Variants in GPM6A observed in about 807,000 individuals in gnomAD.
GPM6A encodes glycoprotein M6A.
GPM6A carries 7 observed loss-of-function variants against 32.1 expected under a neutral mutation model. That is an observed-to-expected ratio of 0.22 (90% confidence interval 0.12 to 0.41). The LOEUF (loss-of-function observed/expected upper bound fraction) is 0.41. Among genes scored for constraint, GPM6A ranks in the 10% least tolerant of loss-of-function variants. The probability of loss-of-function intolerance (pLI) is 1.00; values close to 1 mark genes in which losing one functional copy is unlikely to be tolerated. For missense variants in GPM6A, 235 were observed against 347.2 expected (o/e 0.68, Z 2.57); for synonymous variants, 130 against 123.4 (o/e 1.05, Z -0.35).
chr4:175,636,617 G>A (rs148809020), intron 6 of GPM6A, among the ~76,000 whole-genome samples: 7 of 150,314 alleles, frequency 4.7e-5, no homozygotes, highest in Admixed American at 2.7e-4. Flanking sequence ...CCAACATAGT[G>A]AAACCCCATC....
At chr4:175,788,466 T>A (rs1273228381) in intron 1 of GPM6A, among the ~76,000 whole-genome samples, 15 of 152,328 alleles carry the variant, frequency 9.8e-5, no homozygotes, top group Non-Finnish European at 1.8e-4. Flanking sequence ...ACTACTGATT[T>A]TTTTTAAATA....
chr4:175,826,544 A>C (rs1411317984), intron 1 of GPM6A, among the ~76,000 whole-genome samples: 1 of 152,220 alleles, frequency 6.6e-6, no homozygotes, highest in Non-Finnish European at 1.5e-5. Context: ...AAATATTGCT[A>C]TGCATAAAAT....
At chr4:175,950,330 CTT>C (rs1739765173) in intron 1 of GPM6A, among the ~76,000 whole-genome samples, 1 of 152,066 alleles carries the variant, frequency 6.6e-6, no homozygotes, top group African/African-American at 2.4e-5. Flanking sequence ...ATTTTAATGG[CTT>C]TATTAATTAA....
chr4:175,866,452 A>G (rs895985865), intron 1 of GPM6A, among the ~76,000 whole-genome samples: 1 of 152,160 alleles, frequency 6.6e-6, no homozygotes, highest in Non-Finnish European at 1.5e-5. Context: ...ACCCCTGACA[A>G]CAAAGATATT....
In GPM6A at chr4:175,725,130, C is replaced by T. The variant is rs148580113; in HGVS notation, c.38-23363G>A. On this transcript the variant is annotated intron_variant, in intron 1 of 6. Coordinates refer to ENST00000393658, the MANE Select transcript of GPM6A (RefSeq NM_201591.3). ...CCGGATTCTCATTTACCTGCTCATA[C>T]ATAGTTGTTGCTCAATTAATATTTT... Among the ~76,000 whole-genome samples the T allele has an allele frequency of 5.3e-4, 81 of 152,220 alleles. 1 individual carries two copies. Among genetic ancestry groups the T allele is most frequent in the African/African-American group, 1.8e-3 (76 of 41,538 alleles).
intron 1 of GPM6A, among the ~76,000 whole-genome samples, chr4:175,881,960 G>A (rs1737293083): frequency 6.6e-6 from 1 of 151,844 alleles, no homozygotes; most frequent in Non-Finnish European, 1.5e-5. Context: ...TGCAGGTTGT[G>A]CACATGTACC....
At chr4:175,688,378 G>T (rs79982449) in intron 2 of GPM6A, among the ~76,000 whole-genome samples, 2,276 of 152,154 alleles carry the variant, frequency 0.015, 42 homozygotes, top group East Asian at 0.089. Context: ...TTTTGTGTGT[G>T]GTGTAATATA....
intron 1 of GPM6A, among the ~76,000 whole-genome samples, chr4:175,853,545 A>G (rs1417706167): frequency 1.3e-5 from 2 of 151,052 alleles, no homozygotes; most frequent in Non-Finnish European, 1.5e-5. Flanking sequence ...CACAGAAACA[A>G]TGAGATCAAG....
At chr4:175,930,496 G>A (rs1276821687) in intron 1 of GPM6A, among the ~76,000 whole-genome samples, 1 of 151,054 alleles carries the variant, frequency 6.6e-6, no homozygotes, top group African/African-American at 2.4e-5. Context: ...GAGCATTTTG[G>A]GTATTATACA....
chr4:175,931,169 C>T (rs1202485330), intron 1 of GPM6A, among the ~76,000 whole-genome samples: 1 of 152,096 alleles, frequency 6.6e-6, no homozygotes, highest in African/African-American at 2.4e-5. Context: ...TCTCATATCT[C>T]AATCTTTGCA....
At chr4:175,675,977 G>A (rs944096891) in intron 2 of GPM6A, among the ~76,000 whole-genome samples, 2 of 152,110 alleles carry the variant, frequency 1.3e-5, no homozygotes, top group African/African-American at 4.8e-5. Context: ...TGTGTCATGG[G>A]AGAGACCCAC....
chr4:175,877,154 G>A (rs1288559150), intron 1 of GPM6A, among the ~76,000 whole-genome samples: 3 of 152,188 alleles, frequency 2.0e-5, no homozygotes, highest in East Asian at 1.9e-4. Context: ...TGAGGTGAAT[G>A]CAGACAGCAG....
chr4:175,956,508 C>T (rs1238214713), intron 1 of GPM6A, among the ~76,000 whole-genome samples: 2 of 152,072 alleles, frequency 1.3e-5, no homozygotes, highest in Non-Finnish European at 2.9e-5. Context: ...AAGTTTTAAA[C>T]CAATAGTTAA....
intron 1 of GPM6A, among the ~76,000 whole-genome samples, chr4:175,879,052 G>T (rs920663538): frequency 1.3e-5 from 2 of 152,096 alleles, no homozygotes; most frequent in Admixed American, 1.3e-4. Context: ...ACAGTCTTTT[G>T]CTAAAGCATA....
chr4:175,888,117 T>G (rs1461295372), intron 1 of GPM6A, among the ~76,000 whole-genome samples: 1 of 151,960 alleles, frequency 6.6e-6, no homozygotes, highest in African/African-American at 2.4e-5. Context: ...TAATAACCAA[T>G]CACAATTCAA....
At chr4:175,668,374 A>C (rs1374222039) in intron 3 of GPM6A, among the ~76,000 whole-genome samples, 1 of 151,496 alleles carries the variant, frequency 6.6e-6, no homozygotes, top group Non-Finnish European at 1.5e-5. Context: ...AGGAGTCTAC[A>C]CCTCCTACAC....
At chr4:175,972,605 A>G (rs1025903435) in intron 1 of GPM6A, among the ~76,000 whole-genome samples, 4 of 152,346 alleles carry the variant, frequency 2.6e-5, no homozygotes, top group South Asian at 4.1e-4. Flanking sequence ...CTTCATATGT[A>G]TAGCCTATTA....
chr4:175,937,040 T>A (rs1352342930), intron 1 of GPM6A, among the ~76,000 whole-genome samples: 3 of 152,126 alleles, frequency 2.0e-5, no homozygotes, highest in Non-Finnish European at 4.4e-5. Context: ...TAAATAAGAT[T>A]GATGTTTTCC....
intron 1 of GPM6A, among the ~76,000 whole-genome samples, chr4:175,900,243 A>G (rs1737915457): frequency 1.3e-5 from 2 of 149,920 alleles, no homozygotes; most frequent in Non-Finnish European, 3.0e-5. Flanking sequence ...ACTGCACTCC[A>G]GTCTGGGTGA....
Sources: gnomAD v4.1 joint callset for allele counts (sites outside exome capture counted in the v4.1 genomes callset) on GRCh38, gnomAD v4.1.1 for gene constraint, MANE v1.5 for transcripts, NCBI Gene and HGNC (gene_info 2026-07-23, HGNC 2026-07-21) for gene names.